The following ATXN2 variants were observed in gnomAD, a reference collection of about 807,000 sequenced individuals.
The protein encoded by ATXN2 is ataxin-2.
A neutral mutation model predicts 138.6 loss-of-function variants in ATXN2; 37 were observed. The observed-to-expected ratio is 0.27, with a 90% confidence interval of 0.21 to 0.35. The LOEUF is 0.35. Among genes scored for constraint, ATXN2 ranks in the 10% least tolerant of loss-of-function variants. The pLI, the probability that ATXN2 is intolerant of heterozygous loss-of-function variation, is 1.00. For missense variants in ATXN2, 1,216 were observed against 1,480.3 expected (o/e 0.82, Z 2.93); for synonymous variants, 549 against 543.7 (o/e 1.01, Z -0.13).
At position 111,525,044 on chromosome 12, in the gene ATXN2, G is replaced by A; in HGVS notation, c.696+148C>T. The A allele has an allele frequency of 9.0e-6, 9 of 1,000,158 alleles. No homozygotes were observed. In the South Asian group the frequency reaches 2.2e-4, roughly 24 times the overall value. 62.0% of individuals were successfully genotyped at this position (1,000,158 alleles called of 1,614,324 possible). A position where few individuals can be genotyped will look rare whatever the true frequency, so the allele number is the denominator to read the frequency against. Reference sequence around the variant, plus strand: ...ACATTTTTCTTTATATATTGCTTGGGAGAAAGTCTCTAGTTATACAACAAA... The same window carrying A: ...ACATTTTTCTTTATATATTGCTTGGAAGAAAGTCTCTAGTTATACAACAAA... On this transcript the variant is annotated intron_variant, in intron 6 of 24. Coordinates refer to ENST00000673436, the MANE Select transcript of ATXN2 (RefSeq NM_001372574.1).
At chr12:111,522,532 C>T (rs1049530998) in intron 6 of ATXN2, among the ~76,000 whole-genome samples, 4 of 151,258 alleles carry the variant, frequency 2.6e-5, no homozygotes, top group Non-Finnish European at 5.9e-5. Context: ...ATGGTGTGAA[C>T]CCGGGAGGCA....
intron 20 of ATXN2, among the ~76,000 whole-genome samples, chr12:111,467,050 T>C (rs1030885366): frequency 2.6e-5 from 4 of 152,128 alleles, no homozygotes; most frequent in Non-Finnish European, 5.9e-5. Context: ...GTCTAATAAT[T>C]CAAATAAATC....
At chr12:111,475,878 T>C (rs778997799) in intron 18 of ATXN2, among the ~76,000 whole-genome samples, 1 of 152,188 alleles carries the variant, frequency 6.6e-6, no homozygotes, top group South Asian at 2.1e-4. Context: ...ACTTGTTATA[T>C]GATAAAATGG....
intron 6 of ATXN2, among the ~76,000 whole-genome samples, chr12:111,523,415 A>G (rs1485448589): frequency 6.6e-6 from 1 of 151,790 alleles, no homozygotes; most frequent in African/African-American, 2.4e-5. Context: ...CATGTTTCCA[A>G]TTTTTCACTA....
At chr12:111,562,490 G>A (rs936602410) in intron 1 of ATXN2, among the ~76,000 whole-genome samples, 7 of 151,982 alleles carry the variant, frequency 4.6e-5, no homozygotes, top group Non-Finnish European at 1.0e-4. Flanking sequence ...GGAGGCTGAG[G>A]TGGGTGGATC....
intron 7 of ATXN2, 115 bp downstream of exon 7, chr12:111,520,767 A>G: frequency 1.6e-6 from 1 of 616,512 alleles, no homozygotes; most frequent in Non-Finnish European, 2.6e-6. Context: ...TAAGAGAAAA[A>G]TTATTTCATG....
intron 1 of ATXN2, among the ~76,000 whole-genome samples, chr12:111,565,815 G>A (rs145583087): frequency 3.1e-4 from 47 of 152,136 alleles, no homozygotes; most frequent in African/African-American, 1.1e-3. Context: ...GGCCAACATC[G>A]TGAAACCCCA....
chr12:111,517,459 A>G (rs1879917226), intron 9 of ATXN2, among the ~76,000 whole-genome samples: 1 of 152,182 alleles, frequency 6.6e-6, no homozygotes, highest in Admixed American at 6.5e-5. Context: ...CTAACTTTCC[A>G]AATTTAAATA....
chr12:111,477,965 C>CTTT (rs760866567), intron 18 of ATXN2, among the ~76,000 whole-genome samples: 12 of 144,368 alleles, frequency 8.3e-5, no homozygotes, highest in Admixed American at 6.9e-4. Flanking sequence ...TTTCTTTTTT[C>CTTT]TTTTTTTTTT....
intron 1 of ATXN2, among the ~76,000 whole-genome samples, chr12:111,582,039 T>A (rs1381038597): frequency 1.3e-5 from 2 of 151,514 alleles, no homozygotes; most frequent in African/African-American, 4.9e-5. Context: ...GAACAGAACA[T>A]AAGAAGAATT....
At chr12:111,591,525 C>T (rs1208830163) in intron 1 of ATXN2, among the ~76,000 whole-genome samples, 2 of 151,908 alleles carry the variant, frequency 1.3e-5, no homozygotes, top group African/African-American at 2.4e-5. Flanking sequence ...TAAATGTTAG[C>T]CAGCTGGTGT....
intron 18 of ATXN2, chr12:111,482,848 T>C (rs77751189): frequency 6.7e-6 from 1 of 148,388 alleles, no homozygotes; most frequent in Non-Finnish European, 1.5e-5. Flanking sequence ...AAAAAAAAAA[T>C]AGCATACTGA....
chr12:111,540,604 C>T (rs1224015277), intron 5 of ATXN2, among the ~76,000 whole-genome samples: 1 of 150,218 alleles, frequency 6.7e-6, no homozygotes, highest in African/African-American at 2.4e-5. Context: ...CCTTTTCATA[C>T]ATTCACTGGT....
intron 15 of ATXN2, among the ~76,000 whole-genome samples, 162 bp from the exon 16 acceptor site, chr12:111,486,986 C>T (rs1033185980): frequency 6.6e-6 from 1 of 152,134 alleles, no homozygotes; most frequent in African/African-American, 2.4e-5. Flanking sequence ...TTATATTGCC[C>T]ATTCCTTAAT....
At chr12:111,520,100 C>T in intron 7 of ATXN2, 24 bp from the exon 8 acceptor site, 1 of 1,607,696 alleles carries the variant, frequency 6.2e-7, no homozygotes, top group South Asian at 1.1e-5. Context: ...AAAAGAAAAG[C>T]AAAATGAGTC....
At chr12:111,468,696 CTTTT>C (rs1007805276) in intron 20 of ATXN2, 14 of 108,510 alleles carry the variant, frequency 1.3e-4, no homozygotes, top group South Asian at 3.0e-4. Flanking sequence ...TCTGTAAATT[CTTTT>C]TTTTTTTTTT....
intron 5 of ATXN2, among the ~76,000 whole-genome samples, chr12:111,525,622 T>C (rs1177752426): frequency 3.9e-5 from 6 of 152,144 alleles, no homozygotes; most frequent in Middle Eastern, 6.8e-3. Flanking sequence ...ATTTAGCAAA[T>C]GGAATCACAG....
At chr12:111,486,392 C>T (rs1056585410) in intron 16 of ATXN2, among the ~76,000 whole-genome samples, 5 of 152,112 alleles carry the variant, frequency 3.3e-5, no homozygotes, top group Admixed American at 2.6e-4. Context: ...GACAAGGAAA[C>T]GTCTGCATGT....
chr12:111,575,953 G>T (rs1009141312), intron 1 of ATXN2, among the ~76,000 whole-genome samples: 1 of 151,440 alleles, frequency 6.6e-6, no homozygotes, highest in African/African-American at 2.4e-5. Flanking sequence ...ACGGTGGTGG[G>T]CGCCTGTAAT....
Sources: allele counts gnomAD v4.1 joint callset (sites outside exome capture counted in the v4.1 genomes callset), GRCh38; gene constraint gnomAD v4.1.1; transcripts MANE v1.5; gene names NCBI Gene and HGNC (gene_info 2026-07-23, HGNC 2026-07-21).